Variants in ALCAM observed in about 807,000 individuals in gnomAD.
ALCAM encodes the protein activated leukocyte cell adhesion molecule, also known as CD166 antigen.
Under a neutral mutation model 70.9 loss-of-function variants are expected in ALCAM, and 30 were observed. The ratio of observed to expected loss-of-function variants is 0.42; its 90% CI spans 0.32 to 0.57. The LOEUF is 0.57. Ranked by LOEUF, ALCAM falls within the 20% of genes least tolerant of loss-of-function variation. The probability of loss-of-function intolerance (pLI) is 0.11; values close to 1 mark genes in which losing one functional copy is unlikely to be tolerated. For missense variants in ALCAM, 591 were observed against 695.1 expected (o/e 0.85, Z 1.68); for synonymous variants, 249 against 242.5 (o/e 1.03, Z -0.25).
At chr3:105,473,980 G>A (rs1453796195) in intron 1 of ALCAM, among the ~76,000 whole-genome samples, 1 of 151,304 alleles carries the variant, frequency 6.6e-6, no homozygotes, top group Non-Finnish European at 1.5e-5. Flanking sequence ...TGCTTTTAAG[G>A]GTCAACCACT....
intron 1 of ALCAM, among the ~76,000 whole-genome samples, chr3:105,470,846 A>G (rs1489359844): frequency 1.3e-5 from 2 of 151,320 alleles, no homozygotes; most frequent in Non-Finnish European, 3.0e-5. Flanking sequence ...ATCATTTTCA[A>G]AAGATTTTTA....
chr3:105,495,995 G>A lies in ALCAM; in HGVS notation c.74-24072G>A, dbSNP rs116652939. On this transcript the variant is annotated intron_variant, in intron 1 of 15. Transcript: ENST00000306107. ...CAAGTGCTTAGCAAAAATGCTGATA[G>A]CTTCAGTTTAGCTGTTTTCGGAAGT... Among the ~76,000 whole-genome samples, 873 of 152,226 alleles carry A rather than the reference G, an allele frequency of 5.7e-3. 6 individuals are homozygous for A. The highest frequency in any genetic ancestry group is 0.02 in the African/African-American group (843 of 41,528).
intron 3 of ALCAM, among the ~76,000 whole-genome samples, chr3:105,526,544 C>T (rs1470972224): frequency 5.3e-5 from 8 of 152,236 alleles, no homozygotes; most frequent in Admixed American, 5.2e-4. Context: ...ACAGAATTTG[C>T]ATTCCAGGCT....
chr3:105,407,996 C>T (rs886816302), intron 1 of ALCAM, among the ~76,000 whole-genome samples: 1 of 151,914 alleles, frequency 6.6e-6, no homozygotes, highest in Non-Finnish European at 1.5e-5. Flanking sequence ...TAAGAATATA[C>T]CTAACTAAGG....
intron 1 of ALCAM, among the ~76,000 whole-genome samples, chr3:105,491,657 T>C (rs1481851244): frequency 1.3e-5 from 2 of 152,206 alleles, no homozygotes; most frequent in Non-Finnish European, 2.9e-5. Context: ...TCCACAGATC[T>C]CTAGGGCAGG....
At chr3:105,499,391 A>G (rs939727815) in intron 1 of ALCAM, among the ~76,000 whole-genome samples, 2 of 152,238 alleles carry the variant, frequency 1.3e-5, no homozygotes, top group African/African-American at 2.4e-5. Context: ...TGACTCTTTC[A>G]TACTATAATA....
chr3:105,523,497 G>T (rs1369261183), intron 2 of ALCAM, among the ~76,000 whole-genome samples: 1 of 152,136 alleles, frequency 6.6e-6, no homozygotes, highest in African/African-American at 2.4e-5. Flanking sequence ...TTTCTCAAAG[G>T]TCTTGTAGGG....
rs1003728413 is a variant in ALCAM at position 105,562,071 on chromosome 3, G to C, written c.1664+9486G>C. Among the ~76,000 whole-genome samples the C allele has an allele frequency of 2.0e-5, 3 of 152,166 alleles. No individual in the cohort carries two copies. The East Asian group carries it at 5.8e-4, about 29-fold the overall frequency. On this transcript the variant is annotated intron_variant, in intron 14 of 15. Coordinates refer to ENST00000306107, the MANE Select transcript of ALCAM (RefSeq NM_001627.4). ...AAGTTCCCTCCCTAAACTATGATTG[G>C]TCTTTCTAGTGTCATTATACCCCAC...
intron 1 of ALCAM, among the ~76,000 whole-genome samples, chr3:105,368,223 A>AAGAGAGAGAGAGGAGAGAGAG (rs1935123067): frequency 7.4e-5 from 5 of 67,790 alleles, no homozygotes; most frequent in Admixed American, 2.1e-4. Flanking sequence ...TGAGTCTTGG[A>AAGAGAGAGAGAGGAGAGAGAG]AGAGAGAGAG....
At chr3:105,428,196 G>A (rs1455490940) in intron 1 of ALCAM, among the ~76,000 whole-genome samples, 1 of 151,864 alleles carries the variant, frequency 6.6e-6, no homozygotes, top group Non-Finnish European at 1.5e-5. Context: ...AGAATTAGAA[G>A]TTTAGATGTT....
At chr3:105,377,891 T>C (rs767656435) in intron 1 of ALCAM, among the ~76,000 whole-genome samples, 1 of 152,034 alleles carries the variant, frequency 6.6e-6, no homozygotes, top group Non-Finnish European at 1.5e-5. Context: ...ATTAGTTCGT[T>C]GTAGGTACAG....
At chr3:105,368,223 AAGAGAGAGAGAGAGAG>A (rs5851454) in intron 1 of ALCAM, among the ~76,000 whole-genome samples, 2 of 67,832 alleles carry the variant, frequency 2.9e-5, no homozygotes, top group African/African-American at 5.5e-5. Flanking sequence ...TGAGTCTTGG[AAGAGAGAGAGAGAGAG>A]AGAGAGAGAG....
intron 1 of ALCAM, among the ~76,000 whole-genome samples, chr3:105,457,980 T>G (rs946018920): frequency 6.6e-6 from 1 of 152,058 alleles, no homozygotes; most frequent in Non-Finnish European, 1.5e-5. Flanking sequence ...AATGGAGCTT[T>G]CCAATGGAGC....
intron 14 of ALCAM, among the ~76,000 whole-genome samples, chr3:105,556,116 G>A (rs1441868611): frequency 6.6e-6 from 1 of 151,910 alleles, no homozygotes; most frequent in Admixed American, 6.6e-5. Context: ...ATGGTTTTTA[G>A]TTCTACAGGA....
chr3:105,467,860 C>T (rs1283196099), intron 1 of ALCAM, among the ~76,000 whole-genome samples: 2 of 151,148 alleles, frequency 1.3e-5, no homozygotes, highest in East Asian at 1.9e-4. Context: ...ACATTTTTAC[C>T]ACTACTGCCT....
chr3:105,386,625 A>G (rs1935662445), intron 1 of ALCAM, among the ~76,000 whole-genome samples: 1 of 151,188 alleles, frequency 6.6e-6, no homozygotes, highest in Non-Finnish European at 1.5e-5. Context: ...CTGCTTCCTG[A>G]CAGTCTAGAC....
At chr3:105,409,953 A>T (rs1936345235) in intron 1 of ALCAM, among the ~76,000 whole-genome samples, 1 of 152,062 alleles carries the variant, frequency 6.6e-6, no homozygotes, top group Admixed American at 6.6e-5. Context: ...TCCATGAGAG[A>T]GGTACTTTGT....
At chr3:105,405,327 T>C (rs1312177662) in intron 1 of ALCAM, among the ~76,000 whole-genome samples, 1 of 130,522 alleles carries the variant, frequency 7.7e-6, no homozygotes, top group African/African-American at 2.9e-5. Context: ...CATTATATAA[T>C]GATAAAAGGA....
intron 3 of ALCAM, among the ~76,000 whole-genome samples, chr3:105,527,884 T>C (rs1285597293): frequency 1.3e-5 from 2 of 149,448 alleles, no homozygotes; most frequent in African/African-American, 2.4e-5. Context: ...CTCCTAAAAG[T>C]CATTCAACCT....
Sources: gnomAD v4.1 joint callset for allele counts (sites outside exome capture counted in the v4.1 genomes callset) on GRCh38, gnomAD v4.1.1 for gene constraint, MANE v1.5 for transcripts, NCBI Gene and HGNC (gene_info 2026-07-23, HGNC 2026-07-21) for gene names.